NKAIN2: variants seen among roughly 807,000 people sequenced by gnomAD.
The protein encoded by NKAIN2 is sodium/potassium transporting ATPase interacting 2, also known as sodium/potassium-transporting ATPase subunit beta-1-interacting protein 2.
NKAIN2 carries 14 observed loss-of-function variants against 32.6 expected under a neutral mutation model. That is an observed-to-expected ratio of 0.43 (90% CI 0.28 to 0.67). NKAIN2 has a LOEUF of 0.67. Ranked by LOEUF, NKAIN2 falls within the 30% of genes least tolerant of loss-of-function variation. The pLI is 0.17. For synonymous variants in NKAIN2, 80 were observed against 87.2 expected (o/e 0.92, Z 0.46); for missense variants, 198 against 258.3 (o/e 0.77, Z 1.60).
intron 2 of NKAIN2, among the ~76,000 whole-genome samples, chr6:124,315,140 C>T (rs1796891903): frequency 6.6e-6 from 1 of 151,852 alleles, no homozygotes. Context: ...CCAGGAAGAA[C>T]TGTATTTCTC....
At chr6:124,283,171 C>A in intron 2 of NKAIN2, 29 bp downstream of exon 2, 2 of 1,526,088 alleles carry the variant, frequency 1.3e-6, no homozygotes. Flanking sequence ...TTTTAAAAAT[C>A]TTATTGAACT....
intron 3 of NKAIN2, among the ~76,000 whole-genome samples, chr6:124,483,195 G>A (rs1217579744): frequency 1.3e-5 from 2 of 151,914 alleles, no homozygotes; most frequent in Non-Finnish European, 2.9e-5. Context: ...CAGCATCATT[G>A]TAAAATGCTT....
At chr6:124,133,977 A>G (rs747716359) in intron 1 of NKAIN2, among the ~76,000 whole-genome samples, 5 of 152,164 alleles carry the variant, frequency 3.3e-5, no homozygotes, top group Admixed American at 2.0e-4. Flanking sequence ...ACAGAGTTCT[A>G]TAACACCCCC....
intron 1 of NKAIN2, among the ~76,000 whole-genome samples, chr6:124,016,741 C>G (rs1387786816): frequency 6.6e-6 from 1 of 152,026 alleles, no homozygotes; most frequent in African/African-American, 2.4e-5. Flanking sequence ...CTCTGAAAGT[C>G]CTTATAACAG....
At chr6:124,096,275 C>A (rs1325365499) in intron 1 of NKAIN2, among the ~76,000 whole-genome samples, 5 of 152,100 alleles carry the variant, frequency 3.3e-5, no homozygotes, top group Non-Finnish European at 7.4e-5. Flanking sequence ...CCATTTCATT[C>A]TTTTCTTTGT....
intron 1 of NKAIN2, among the ~76,000 whole-genome samples, chr6:124,181,282 AT>A (rs149368437): frequency 1.3e-5 from 2 of 151,816 alleles, no homozygotes; most frequent in East Asian, 3.9e-4. Flanking sequence ...CCAGGAAATC[AT>A]TTTTTTCCTC....
chr6:124,497,042 CG>C (rs754361265), intron 3 of NKAIN2, among the ~76,000 whole-genome samples: 1 of 152,044 alleles, frequency 6.6e-6, no homozygotes, highest in Non-Finnish European at 1.5e-5. Flanking sequence ...CTAACCACTC[CG>C]GGGTGCCCAG....
At chr6:123,844,650 T>C (rs891038118) in intron 1 of NKAIN2, among the ~76,000 whole-genome samples, 3 of 152,202 alleles carry the variant, frequency 2.0e-5, no homozygotes, top group African/African-American at 7.2e-5. Context: ...TGGATACATA[T>C]GTGCTTCTTC....
At chr6:124,088,170 A>C (rs949036742) in intron 1 of NKAIN2, among the ~76,000 whole-genome samples, 6 of 140,256 alleles carry the variant, frequency 4.3e-5, no homozygotes, top group Admixed American at 1.4e-4. Flanking sequence ...CCCTTGCTAC[A>C]AAAAATGGTA....
chr6:123,855,674 C>T (rs1775530978), intron 1 of NKAIN2, among the ~76,000 whole-genome samples: 1 of 152,178 alleles, frequency 6.6e-6, no homozygotes, highest in Non-Finnish European at 1.5e-5. Context: ...GGAAATGAGA[C>T]AGATATGCTG....
intron 1 of NKAIN2, among the ~76,000 whole-genome samples, chr6:124,032,772 A>C (rs1475958296): frequency 6.6e-6 from 1 of 152,086 alleles, no homozygotes; most frequent in Non-Finnish European, 1.5e-5. Context: ...ACTCAAAAGC[A>C]AGATTTTTAT....
chr6:124,586,646 G>C (rs546238655), intron 3 of NKAIN2, among the ~76,000 whole-genome samples: 1 of 151,342 alleles, frequency 6.6e-6, no homozygotes, highest in Non-Finnish European at 1.5e-5. Context: ...TTAAAAAAAA[G>C]TTCAGTACAT....
At chr6:124,569,117 G>C (rs1442668273) in intron 3 of NKAIN2, among the ~76,000 whole-genome samples, 1 of 152,118 alleles carries the variant, frequency 6.6e-6, no homozygotes, top group Non-Finnish European at 1.5e-5. Context: ...GTGACAAAAC[G>C]TTTTGAATAA....
At chr6:124,081,542 AT>A (rs1181592178) in intron 1 of NKAIN2, among the ~76,000 whole-genome samples, 3 of 152,116 alleles carry the variant, frequency 2.0e-5, no homozygotes, top group Non-Finnish European at 4.4e-5. Context: ...TTACTCATAA[AT>A]GCTGTTTTCT....
chr6:124,354,342 T>G (rs1798871557), intron 2 of NKAIN2, among the ~76,000 whole-genome samples: 1 of 152,210 alleles, frequency 6.6e-6, no homozygotes, highest in Non-Finnish European at 1.5e-5. Flanking sequence ...TGCTAGCATG[T>G]TGCCTTCTGG....
At chr6:124,356,430 G>T (rs1204214148) in intron 3 of NKAIN2, among the ~76,000 whole-genome samples, 1 of 152,136 alleles carries the variant, frequency 6.6e-6, no homozygotes, top group Non-Finnish European at 1.5e-5. Flanking sequence ...TTTATTCAAT[G>T]ACAAAAGATG....
chr6:124,279,366 G>A (rs1040639292), intron 1 of NKAIN2, among the ~76,000 whole-genome samples: 5 of 151,946 alleles, frequency 3.3e-5, no homozygotes, highest in Admixed American at 6.6e-5. Context: ...AATTAGCCAG[G>A]TGTGGTGGCG....
At chr6:124,699,223 C>T (rs531391754) in intron 4 of NKAIN2, among the ~76,000 whole-genome samples, 4 of 152,172 alleles carry the variant, frequency 2.6e-5, no homozygotes, top group Non-Finnish European at 5.9e-5. Context: ...GTGGACTGAG[C>T]ATTCAAGGTG....
chr6:124,385,080 G>T (rs1414447204), intron 3 of NKAIN2, among the ~76,000 whole-genome samples: 1 of 152,228 alleles, frequency 6.6e-6, no homozygotes, highest in African/African-American at 2.4e-5. Context: ...TTCCAAATGA[G>T]AAAATAGCTG....
Sources: allele counts gnomAD v4.1 joint callset (sites outside exome capture counted in the v4.1 genomes callset), GRCh38; gene constraint gnomAD v4.1.1; transcripts MANE v1.5; gene names NCBI Gene and HGNC (gene_info 2026-07-23, HGNC 2026-07-21).